PBLD: variants seen among roughly 807,000 people sequenced by gnomAD.
The protein encoded by PBLD is phenazine biosynthesis-like domain-containing protein.
A neutral mutation model predicts 31.3 loss-of-function variants in PBLD; 26 were observed. That is an observed-to-expected ratio of 0.83 (90% CI 0.61 to 1.15). PBLD has a LOEUF of 1.15. PBLD is among the 50% of genes most tolerant of loss of function. The pLI is 0.00. For synonymous variants in PBLD, 114 were observed against 129.0 expected (o/e 0.88, Z 0.79); for missense variants, 307 against 351.7 (o/e 0.87, Z 1.02).
chr10:68,319,053 GAGAA>G (rs60229423), intron 1 of PBLD, among the ~76,000 whole-genome samples: 10,283 of 98,544 alleles, frequency 0.1, 456 homozygotes, highest in Middle Eastern at 0.14. Flanking sequence ...AAGAAAGAGA[GAGAA>G]AGAAAGAAAG....
intron 2 of PBLD, among the ~76,000 whole-genome samples, chr10:68,297,608 C>T (rs2044447547): frequency 6.6e-6 from 1 of 152,080 alleles, no homozygotes; most frequent in Admixed American, 6.6e-5. Context: ...TTTGCCGGGA[C>T]CTGGAACAAT....
chr10:68,285,135 T>G lies in PBLD; in HGVS notation c.754+213A>C, dbSNP rs2044270217. 1.5e-5 allele frequency: 20 copies of G among 1,363,524 alleles called. 1 individual carries two copies. The South Asian group carries it at 3.9e-4, about 27-fold the overall frequency. The allele number at this position is 1,363,524 out of a possible 1,614,324, so 84.5% of individuals were successfully genotyped here. A position where few individuals can be genotyped will look rare whatever the true frequency, so the allele number is the denominator to read the frequency against. ...ACACTTATTGGGCAGTTACTGTATC[T>G]GTGTCTGTACAGTCTCTGTATGTTG... On this transcript the variant is annotated intron_variant, in intron 9 of 9. Transcript: ENST00000358769.
intron 1 of PBLD, among the ~76,000 whole-genome samples, chr10:68,307,429 T>C (rs539396289): frequency 1.3e-5 from 2 of 152,282 alleles, no homozygotes; most frequent in African/African-American, 2.4e-5. Flanking sequence ...ATATTATACA[T>C]AGAACTTAGC....
chr10:68,297,565 A>T lies in PBLD; in HGVS notation c.85-580T>A, dbSNP rs551539896. Among the ~76,000 whole-genome samples, 6 of 152,244 alleles carry T rather than the reference A, an allele frequency of 3.9e-5. No homozygotes were observed. The South Asian group carries it at 1.2e-3, about 32-fold the overall frequency. The stretch of plus-strand genomic sequence containing the variant: ...TCTGGCCTCGCCACCTCTGATTCTA[A>T]GTTCTGTTGGGGTATGGACTGTGCT... On this transcript the variant is annotated intron_variant, in intron 2 of 9. Transcript: ENST00000358769.
chr10:68,323,390 C>T (rs10998068), intron 1 of PBLD, among the ~76,000 whole-genome samples: 14,949 of 152,018 alleles, frequency 0.098, 1,065 homozygotes, highest in South Asian at 0.21. Flanking sequence ...TGGGAAAACC[C>T]GTCTCTACTA....
At chr10:68,303,520 C>T (rs1186387975) in intron 2 of PBLD, among the ~76,000 whole-genome samples, 4 of 150,674 alleles carry the variant, frequency 2.7e-5, no homozygotes, top group Admixed American at 2.0e-4. Context: ...GTCAGCCGGG[C>T]GTGGTGACTC....
chr10:68,288,364 G>A, intron 8 of PBLD, 119 bp downstream of exon 8: 1 of 1,080,254 alleles, frequency 9.3e-7, no homozygotes, highest in South Asian at 1.6e-5. Flanking sequence ...GAAAGATAGA[G>A]GAACAAGGCA....
At chr10:68,324,940 T>C (rs755425759) in intron 1 of PBLD, among the ~76,000 whole-genome samples, 1 of 77,812 alleles carries the variant, frequency 1.3e-5, no homozygotes, top group Non-Finnish European at 2.5e-5. Context: ...TAATCAGAAC[T>C]ATCTAATTAA....
At chr10:68,324,764 GCCACTATTGC>G (rs2044889405) in intron 1 of PBLD, among the ~76,000 whole-genome samples, 1 of 151,718 alleles carries the variant, frequency 6.6e-6, no homozygotes. Flanking sequence ...ACAGGCATGT[GCCACTATTGC>G]CCGGCTAATT....
intron 1 of PBLD, among the ~76,000 whole-genome samples, chr10:68,309,423 AAAAG>A (rs2044630617): frequency 6.7e-6 from 1 of 148,948 alleles, no homozygotes; most frequent in African/African-American, 2.5e-5. Flanking sequence ...AAAAAAAAAA[AAAAG>A]AACCCACTTC....
intron 1 of PBLD, among the ~76,000 whole-genome samples, chr10:68,324,194 G>A (rs952150022): frequency 2.2e-4 from 34 of 151,508 alleles, no homozygotes; most frequent in Middle Eastern, 3.4e-3. Context: ...CCACAGGTGT[G>A]CGCCACCATG....
At chr10:68,323,879 A>C (rs2044873431) in intron 1 of PBLD, among the ~76,000 whole-genome samples, 1 of 152,176 alleles carries the variant, frequency 6.6e-6, no homozygotes, top group African/African-American at 2.4e-5. Context: ...AGGCCATCCC[A>C]AAAAACTTAT....
At chr10:68,284,317 G>A in intron 9 of PBLD, 28 bp from the exon 10 acceptor site, 3 of 1,563,482 alleles carry the variant, frequency 1.9e-6, no homozygotes, top group Middle Eastern at 1.7e-4. Flanking sequence ...GTCAAATTAA[G>A]AGTATTTTCA....
chr10:68,329,227 G>T (rs1328390455), intron 1 of PBLD, among the ~76,000 whole-genome samples: 1 of 152,246 alleles, frequency 6.6e-6, no homozygotes, highest in East Asian at 1.9e-4. Context: ...ATAATAAAAA[G>T]GCAAAAGGAA....
At chr10:68,325,702 G>A (rs1391799335) in intron 1 of PBLD, among the ~76,000 whole-genome samples, 1 of 152,216 alleles carries the variant, frequency 6.6e-6, no homozygotes, top group Non-Finnish European at 1.5e-5. Flanking sequence ...CACCTGCTTA[G>A]AGTTTCCACT....
In PBLD at chr10:68,310,754, C is replaced by A. The variant is rs1258703697; in HGVS notation, c.-59-3851G>T. 3.3e-5 allele frequency among the ~76,000 whole-genome samples: 5 copies of A among 150,178 alleles called. 1 individual carries two copies. Among genetic ancestry groups the A allele is most frequent in the Non-Finnish European group, 7.4e-5 (5 of 67,816 alleles). On this transcript the variant is annotated intron_variant, in intron 1 of 9. Coordinates refer to ENST00000358769, the MANE Select transcript of PBLD (RefSeq NM_022129.4). Reference sequence around the variant, plus strand: ...CTTAGCATAATGCCTTCCAGGTTCACCCATGTTGATGCAAATGATGGGAAT... The same window carrying A: ...CTTAGCATAATGCCTTCCAGGTTCAACCATGTTGATGCAAATGATGGGAAT...
chr10:68,306,972 A>G, intron 1 of PBLD, 69 bp from the exon 2 acceptor site: 1 of 647,368 alleles, frequency 1.5e-6, no homozygotes, highest in Non-Finnish European at 2.7e-6. Flanking sequence ...CAGTTCCCAG[A>G]TACAAAGTCA....
At chr10:68,290,615 G>A (rs2044347718) in intron 6 of PBLD, among the ~76,000 whole-genome samples, 1 of 152,096 alleles carries the variant, frequency 6.6e-6, no homozygotes, top group African/African-American at 2.4e-5. Flanking sequence ...TACTTGCGAG[G>A]CTGAGGCAGG....
At chr10:68,289,663 T>TCACACACACACACACACACACACA (rs1183126379) in intron 6 of PBLD, among the ~76,000 whole-genome samples, 2 of 136,400 alleles carry the variant, frequency 1.5e-5, no homozygotes, top group East Asian at 4.5e-4. Context: ...AGGCCAAAGA[T>TCACACACACACACACACACACACA]CACACACACA....
Sources: allele counts gnomAD v4.1 joint callset (sites outside exome capture counted in the v4.1 genomes callset), GRCh38; gene constraint gnomAD v4.1.1; transcripts MANE v1.5; gene names NCBI Gene and HGNC (gene_info 2026-07-23, HGNC 2026-07-21).